The following NUDCD1 variants were observed in gnomAD, a reference collection of about 807,000 sequenced individuals.
NUDCD1 encodes NudC domain containing 1.
Under a neutral mutation model 67.8 loss-of-function variants are expected in NUDCD1, and 60 were observed. The observed-to-expected ratio is 0.88, with a 90% CI of 0.72 to 1.10. NUDCD1 has a LOEUF of 1.10. NUDCD1 is among the 50% of genes least tolerant of loss of function. NUDCD1 has a pLI of 0.00. For missense variants in NUDCD1, 643 were observed against 695.0 expected, an observed-to-expected ratio of 0.93 and a Z score of 0.84; for synonymous variants, 244 against 230.8, an observed-to-expected ratio of 1.06 and a Z score of -0.52.
At chr8:109,280,868 C>T in intron 6 of NUDCD1, 100 bp downstream of exon 6, 1 of 539,840 alleles carries the variant, frequency 1.9e-6, no homozygotes, top group Non-Finnish European at 3.2e-6. Flanking sequence ...GCAATACAGA[C>T]AGAACTATTG....
At chr8:109,323,160 T>G (rs1007343027) in intron 1 of NUDCD1, among the ~76,000 whole-genome samples, 1 of 152,180 alleles carries the variant, frequency 6.6e-6, no homozygotes, top group Admixed American at 6.5e-5. Context: ...GGCTCAGAAC[T>G]GCTCATGATC....
intron 8 of NUDCD1, among the ~76,000 whole-genome samples, chr8:109,258,241 A>G (rs968630848): frequency 6.6e-6 from 1 of 152,100 alleles, no homozygotes; most frequent in Non-Finnish European, 1.5e-5. Context: ...TTTCTTACAG[A>G]TATCTAACAG....
At chr8:109,253,288 A>G (rs969876280) in intron 8 of NUDCD1, among the ~76,000 whole-genome samples, 4 of 152,220 alleles carry the variant, frequency 2.6e-5, no homozygotes, top group Non-Finnish European at 4.4e-5. Context: ...AGCAGAAACC[A>G]TAAGATGTAG....
chr8:109,247,983 G>A (rs747246627), intron 8 of NUDCD1, among the ~76,000 whole-genome samples: 29 of 152,180 alleles, frequency 1.9e-4, no homozygotes, highest in Admixed American at 8.5e-4. Context: ...TAAGTTTAAG[G>A]TCCTGGGATG....
chr8:109,280,858 G>C, intron 6 of NUDCD1, 110 bp downstream of exon 6: 1 of 515,174 alleles, frequency 1.9e-6, no homozygotes, highest in Non-Finnish European at 3.4e-6. Context: ...AAAGTAACCA[G>C]CAATACAGAC....
intron 2 of NUDCD1, chr8:109,313,741 C>T: frequency 2.0e-6 from 1 of 489,236 alleles, no homozygotes; most frequent in Non-Finnish European, 3.9e-6. Context: ...TGTTAAATTA[C>T]TATTCTTCAT....
At chr8:109,303,352 A>C (rs1462734714) in intron 2 of NUDCD1, among the ~76,000 whole-genome samples, 2 of 152,170 alleles carry the variant, frequency 1.3e-5, no homozygotes, top group African/African-American at 4.8e-5. Flanking sequence ...CTTACACTGG[A>C]GGGTAAGTCT....
At chr8:109,291,295 A>C (rs1814705674) in intron 4 of NUDCD1, among the ~76,000 whole-genome samples, 2 of 152,108 alleles carry the variant, frequency 1.3e-5, no homozygotes, top group Non-Finnish European at 2.9e-5. Flanking sequence ...GGTGCACAAC[A>C]CCATGCCGAG....
intron 8 of NUDCD1, among the ~76,000 whole-genome samples, chr8:109,251,770 T>C (rs769197112): frequency 2.6e-5 from 4 of 152,090 alleles, no homozygotes; most frequent in Non-Finnish European, 4.4e-5. Flanking sequence ...CCCACTTTTA[T>C]CCTTACAGTG....
intron 8 of NUDCD1, among the ~76,000 whole-genome samples, chr8:109,259,920 CA>C (rs1225788191): frequency 6.6e-6 from 1 of 152,014 alleles, no homozygotes; most frequent in East Asian, 1.9e-4. Flanking sequence ...GCTTACTATT[CA>C]AAAGATTTTT....
chr8:109,250,492 C>G (rs977432885), intron 8 of NUDCD1, among the ~76,000 whole-genome samples: 3 of 152,106 alleles, frequency 2.0e-5, no homozygotes, highest in Admixed American at 1.3e-4. Context: ...TTATTTCCTG[C>G]CTCACTGCCT....
chr8:109,260,140 G>A (rs971072128), intron 8 of NUDCD1, among the ~76,000 whole-genome samples: 2 of 152,190 alleles, frequency 1.3e-5, no homozygotes, highest in African/African-American at 4.8e-5. Context: ...ACCAAAAACA[G>A]CCAAAGGGAA....
At chr8:109,286,013 T>A (rs1401144639) in intron 5 of NUDCD1, among the ~76,000 whole-genome samples, 1 of 151,872 alleles carries the variant, frequency 6.6e-6, no homozygotes, top group Non-Finnish European at 1.5e-5. Flanking sequence ...ATGTTCAAGC[T>A]GAGAGCCAAA....
chr8:109,275,285 T>C, intron 7 of NUDCD1, 67 bp downstream of exon 7: 1 of 1,446,150 alleles, frequency 6.9e-7, no homozygotes, highest in Non-Finnish European at 9.5e-7. Flanking sequence ...TTGAAAAGCA[T>C]GGCATAATCT....
chr8:109,311,291 T>C (rs148972573), intron 2 of NUDCD1, among the ~76,000 whole-genome samples: 4,581 of 152,190 alleles, frequency 0.03, 92 homozygotes, highest in Middle Eastern at 0.11. Flanking sequence ...GCGTGGATGC[T>C]GTGAACAGGG....
At chr8:109,289,645 T>A (rs1586281778) in intron 5 of NUDCD1, 106 bp downstream of exon 5, 1 of 555,724 alleles carries the variant, frequency 1.8e-6, no homozygotes, top group South Asian at 3.3e-5. Flanking sequence ...GAAAAAATTA[T>A]GCATCTATCT....
chr8:109,292,434 C>T (rs72682668), intron 4 of NUDCD1, among the ~76,000 whole-genome samples: 104 of 151,640 alleles, frequency 6.9e-4, no homozygotes, highest in Non-Finnish European at 9.9e-4. Flanking sequence ...ATTAGATAGA[C>T]AGATAGCTGT....
rs1175099391 is a variant in NUDCD1 at position 109,242,990 on chromosome 8, G to C, written c.*19C>G. The C allele has an allele frequency of 6.6e-7, 1 of 1,518,858 alleles. No individual in the cohort carries two copies. The highest frequency in any genetic ancestry group is 9.1e-7 in the Non-Finnish European group (1 of 1,101,608). The allele number at this position is 1,518,858 out of a possible 1,614,324, so 94.1% of individuals were successfully genotyped here. ...ACTGAATACTTTTCCAGTACAAAGA[G>C]GCCAATATGTTAGAATAATTAATTC... is the stretch of plus-strand genomic sequence containing the variant. On this transcript the variant is annotated 3_prime_UTR_variant, in exon 10 of 10. Coordinates refer to ENST00000239690, the MANE Select transcript of NUDCD1 (RefSeq NM_032869.4).
intron 8 of NUDCD1, among the ~76,000 whole-genome samples, chr8:109,267,145 T>C (rs1260001717): frequency 6.6e-6 from 1 of 152,184 alleles, no homozygotes; most frequent in Non-Finnish European, 1.5e-5. Flanking sequence ...AATTTTATGT[T>C]CAGGGGTACT....
Sources: allele counts gnomAD v4.1 joint callset (sites outside exome capture counted in the v4.1 genomes callset), GRCh38; gene constraint gnomAD v4.1.1; transcripts MANE v1.5; gene names NCBI Gene and HGNC (gene_info 2026-07-23, HGNC 2026-07-21).